ROR1: variants seen among roughly 807,000 people sequenced by gnomAD.
ROR1 encodes inactive tyrosine-protein kinase transmembrane receptor ROR1.
ROR1 carries 19 observed loss-of-function variants against 78.8 expected under a neutral mutation model. That is an observed-to-expected ratio of 0.24 (90% CI 0.17 to 0.35). ROR1 has a LOEUF of 0.35. Among genes scored for constraint, ROR1 ranks in the 10% least tolerant of loss-of-function variants. The pLI, the probability that ROR1 is intolerant of heterozygous loss-of-function variation, is 1.00. For missense variants in ROR1, 917 were observed against 1,177.8 expected (o/e 0.78, Z 3.24); for synonymous variants, 386 against 433.6 (o/e 0.89, Z 1.36).
intron 1 of ROR1, among the ~76,000 whole-genome samples, chr1:63,980,367 C>T (rs1389736639): frequency 6.6e-6 from 1 of 151,954 alleles, no homozygotes; most frequent in African/African-American, 2.4e-5. Context: ...CATGACCCCA[C>T]CTCATTGAGA....
In ROR1 at chr1:64,178,576, T is replaced by C. The variant is rs1432431692; in HGVS notation, c.2535T>C (p.Ile845=). 1 of 1,614,146 alleles carries C rather than the reference T, an allele frequency of 6.2e-7. No individual in the cohort carries two copies. The highest frequency in any genetic ancestry group is 1.1e-5 in the South Asian group (1 of 91,072). ...AGCCAACAGGTCCTCCCAGAGTGATTCAGCACTGCCCACCTCCCAAGAGTC... is the reference window on the plus strand; with the variant it reads ...AGCCAACAGGTCCTCCCAGAGTGATCCAGCACTGCCCACCTCCCAAGAGTC... ...HYQPTGPPRV[I]QHCPPPKSRS... is the part of the protein sequence containing the mutation. The change falls in exon 9 of 9, where the codon ATT becomes ATC. Residue 845 remains isoleucine, a synonymous_variant. Transcript: ENST00000371079. The surrounding 1 kb of genome is among the most constrained non-coding windows in gnomAD (Gnocchi z 4.3).
intron 4 of ROR1, chr1:64,110,992 A>C (rs1429524519): frequency 6.6e-6 from 1 of 152,008 alleles, no homozygotes; most frequent in African/African-American, 2.4e-5. Context: ...AGGGAGAAGG[A>C]AGAAAAAAAA....
Position 63,862,391 on chromosome 1 carries a change from C to CAAAA in ROR1, c.91+87903_91+87906dup, listed in dbSNP as rs1164915396. Reference sequence around the variant, plus strand: ...CCTGGGAGACAGAGTGAGACTGTCTCAAAAAAAAAAAAAAAAAAAAAAAGA... The same window carrying CAAAA: ...CCTGGGAGACAGAGTGAGACTGTCTCAAAAAAAAAAAAAAAAAAAAAAAAAAAGA... On this transcript the variant is annotated intron_variant, in intron 1 of 8. Transcript: ENST00000371079. Among the ~76,000 whole-genome samples the CAAAA allele has an allele frequency of 3.2e-3, 180 of 56,710 alleles. 6 individuals are homozygous for CAAAA. Among genetic ancestry groups the CAAAA allele is most frequent in the African/African-American group, 0.01 (163 of 16,018 alleles). The allele number at this position is 56,710 out of a possible 152,430, so 37.2% of individuals were successfully genotyped here. A position where few individuals can be genotyped will look rare whatever the true frequency, so the allele number is the denominator to read the frequency against.
intron 7 of ROR1, chr1:64,143,377 A>G: frequency 1.0e-6 from 1 of 982,056 alleles, no homozygotes; most frequent in Non-Finnish European, 1.2e-6. Context: ...GAAAAAAAAA[A>G]AAAGAAAATG....
chr1:63,931,308 C>T (rs558043813), intron 1 of ROR1, among the ~76,000 whole-genome samples: 1 of 152,044 alleles, frequency 6.6e-6, no homozygotes, highest in Non-Finnish European at 1.5e-5. Flanking sequence ...TAAAGTAAAT[C>T]ACAGACAATA....
intron 5 of ROR1, among the ~76,000 whole-genome samples, chr1:64,139,010 T>A (rs1205034973): frequency 6.6e-6 from 1 of 151,518 alleles, no homozygotes; most frequent in Non-Finnish European, 1.5e-5. Flanking sequence ...TAAAAAACAA[T>A]ACAAATATCA....
chr1:64,144,866 G>T (rs553206440), intron 7 of ROR1, among the ~76,000 whole-genome samples: 1 of 152,270 alleles, frequency 6.6e-6, no homozygotes, highest in African/African-American at 2.4e-5. Flanking sequence ...AAGGACATGG[G>T]TTCTCATGTT....
chr1:64,049,219 G>A (rs965763457), intron 2 of ROR1, among the ~76,000 whole-genome samples: 1 of 152,170 alleles, frequency 6.6e-6, no homozygotes, highest in Admixed American at 6.5e-5. Context: ...CTTGTGCCAT[G>A]TGGATATGAA....
intron 8 of ROR1, among the ~76,000 whole-genome samples, chr1:64,163,426 A>G (rs1367130738): frequency 6.6e-6 from 1 of 151,770 alleles, no homozygotes; most frequent in Non-Finnish European, 1.5e-5. Flanking sequence ...CAAAAAAAGA[A>G]AAAAAGATGG....
At chr1:63,970,969 CA>C (rs1477130694) in intron 1 of ROR1, among the ~76,000 whole-genome samples, 13 of 152,176 alleles carry the variant, frequency 8.5e-5, no homozygotes, top group African/African-American at 3.1e-4. Context: ...TTGTCAAAAG[CA>C]AAAGCGAGCC....
rs141255156 is a variant in ROR1 at position 63,959,036 on chromosome 1, C to T, written c.92-50269C>T. On this transcript the variant is annotated intron_variant, in intron 1 of 8. Transcript: ENST00000371079. Reference sequence around the variant, plus strand: ...TGCTAATAAAGACATACCCGAGACTCGGTAATTTATAAAGGAAAGAGATTT... The same window carrying T: ...TGCTAATAAAGACATACCCGAGACTTGGTAATTTATAAAGGAAAGAGATTT... Among the ~76,000 whole-genome samples, 555 of 152,216 alleles carry T rather than the reference C, an allele frequency of 3.6e-3. 1 individual carries two copies. Among genetic ancestry groups the T allele is most frequent in the Non-Finnish European group, 5.6e-3 (383 of 68,028 alleles).
At chr1:64,138,934 G>A (rs1377381724) in intron 5 of ROR1, among the ~76,000 whole-genome samples, 1 of 151,970 alleles carries the variant, frequency 6.6e-6, no homozygotes, top group Non-Finnish European at 1.5e-5. Flanking sequence ...AAGCTGAGGT[G>A]GGCAGATCAC....
chr1:64,049,429 C>T (rs1646810480), intron 2 of ROR1, among the ~76,000 whole-genome samples: 2 of 152,104 alleles, frequency 1.3e-5, no homozygotes, highest in South Asian at 2.1e-4. Flanking sequence ...AGCACAAAAG[C>T]TTATCCATGT....
Position 64,140,212 on chromosome 1 carries a change from T to G in ROR1, c.714T>G (p.Thr238=). ...CHYAFPYCDE[T]SSVPKPRDLC... is the part of the protein sequence containing the mutation. ...ATGCCTTCCCGTACTGCGATGAAAC[T>G]TCATCCGTCCCAAAGCCCCGTGACT... The change falls in exon 6 of 9, where the codon ACT becomes ACG. Residue 238 remains threonine (T), a synonymous_variant. Coordinates refer to ENST00000371079, the MANE Select transcript of ROR1 (RefSeq NM_005012.4). 2 of 1,614,188 alleles carry G rather than the reference T, an allele frequency of 1.2e-6. No individual in the cohort carries two copies. The highest frequency in any genetic ancestry group is 1.1e-5 in the South Asian group (1 of 91,074).
chr1:64,158,454 T>G (rs1332290325), intron 7 of ROR1, among the ~76,000 whole-genome samples: 1 of 152,196 alleles, frequency 6.6e-6, no homozygotes, highest in Non-Finnish European at 1.5e-5. Context: ...GGCCAGTGGC[T>G]TTTTGGACAC....
chr1:63,920,522 G>A (rs1291808267), intron 1 of ROR1, among the ~76,000 whole-genome samples: 2 of 152,176 alleles, frequency 1.3e-5, no homozygotes, highest in Non-Finnish European at 2.9e-5. Context: ...CAGGAGGCCT[G>A]TCCATCACGC....
chr1:64,164,280 A>G (rs765132960), intron 8 of ROR1, among the ~76,000 whole-genome samples: 11 of 152,158 alleles, frequency 7.2e-5, no homozygotes, highest in African/African-American at 1.2e-4. Context: ...AGTCCATACT[A>G]TCGGGGCCTA....
At chr1:63,915,713 C>T (rs1487364755) in intron 1 of ROR1, among the ~76,000 whole-genome samples, 1 of 152,078 alleles carries the variant, frequency 6.6e-6, no homozygotes, top group Admixed American at 6.5e-5. Flanking sequence ...AGTACTGCTT[C>T]CCTGGGTTTG....
chr1:63,958,173 T>C (rs1645999023), intron 1 of ROR1, among the ~76,000 whole-genome samples: 1 of 152,238 alleles, frequency 6.6e-6, no homozygotes, highest in South Asian at 2.1e-4. Flanking sequence ...CATGAATTAT[T>C]TATTATTATG....
Sources: allele counts gnomAD v4.1 joint callset (sites outside exome capture counted in the v4.1 genomes callset), GRCh38; gene constraint gnomAD v4.1.1; non-coding constraint Gnocchi (gnomAD v3.1); transcripts MANE v1.5; gene names NCBI Gene and HGNC (gene_info 2026-07-23, HGNC 2026-07-21).